Variants in WDR27 observed in about 807,000 individuals in gnomAD.
WDR27 encodes WD repeat domain 27.
Under a neutral mutation model 114.4 loss-of-function variants are expected in WDR27, and 100 were observed. The observed-to-expected ratio is 0.87, with a 90% confidence interval of 0.74 to 1.03. WDR27 has a LOEUF of 1.03. Ranked by LOEUF, WDR27 falls within the 50% of genes least tolerant of loss-of-function variation. The probability of loss-of-function intolerance (pLI) is 0.00; values close to 1 mark genes in which losing one functional copy is unlikely to be tolerated. For missense variants in WDR27, 1,129 were observed against 1,092.9 expected, an observed-to-expected ratio of 1.03 and a Z score of -0.47; for synonymous variants, 449 against 423.1, an observed-to-expected ratio of 1.06 and a Z score of -0.75.
At chr6:169,587,597 GA>G (rs1029918572) in intron 23 of WDR27, among the ~76,000 whole-genome samples, 1 of 152,120 alleles carries the variant, frequency 6.6e-6, no homozygotes, top group African/African-American at 2.4e-5. Context: ...CTGTTATCTT[GA>G]ACTTTTTAAG....
chr6:169,640,422 C>A (rs996891204), intron 17 of WDR27, among the ~76,000 whole-genome samples: 1 of 152,146 alleles, frequency 6.6e-6, no homozygotes, highest in African/African-American at 2.4e-5. Flanking sequence ...CGCAGAAAAA[C>A]GTGAAATAGC....
chr6:169,514,269 A>G (rs1433114019), intron 25 of WDR27, among the ~76,000 whole-genome samples: 1 of 151,488 alleles, frequency 6.6e-6, no homozygotes, highest in Non-Finnish European at 1.5e-5. Context: ...ACCAGTATAC[A>G]TAAATTATTA....
chr6:169,696,336 A>C (rs145813618), intron 1 of WDR27, among the ~76,000 whole-genome samples: 1 of 152,278 alleles, frequency 6.6e-6, no homozygotes, highest in African/African-American at 2.4e-5. Flanking sequence ...GCTTACGAGG[A>C]AGAAGTTAAG....
At position 169,664,263 on chromosome 6, in the gene WDR27, A is replaced by C. The variant is rs750335111; in HGVS notation, c.807T>G (p.Asp269Glu). 58 of 1,613,846 alleles carry C rather than the reference A, an allele frequency of 3.6e-5. No homozygotes were observed. Among genetic ancestry groups the C allele is most frequent in the Non-Finnish European group, 4.9e-5 (58 of 1,179,848 alleles). The change falls in exon 8 of 26, where the codon GAT (aspartate) becomes GAG (glutamate). Residue 269 changes from aspartate to glutamate, a missense_variant. Asp to Glu is a conservative substitution (Grantham distance 45). Coordinates refer to ENST00000448612, the MANE Select transcript of WDR27 (RefSeq NM_182552.5). ...GTGCCACACGACGATAATGGTGTCC[A>C]TCCATCAAACTGAAGATCCAAAGCT... ...DGQLWIFSLM[D>E]GHHYRRVARV...
chr6:169,486,344 C>T (rs1788888115), intron 25 of WDR27, among the ~76,000 whole-genome samples: 1 of 152,088 alleles, frequency 6.6e-6, no homozygotes, highest in Admixed American at 6.5e-5. Flanking sequence ...TAAGTATATA[C>T]CCAGTGTACT....
At chr6:169,679,035 CCTTT>C (rs1197222186) in intron 2 of WDR27, among the ~76,000 whole-genome samples, 2 of 152,150 alleles carry the variant, frequency 1.3e-5, no homozygotes, top group Non-Finnish European at 2.9e-5. Flanking sequence ...CCTGAACATT[CCTTT>C]CTATCGATCT....
Position 169,659,468 on chromosome 6 carries a change from G to A in WDR27, c.1180C>T (p.Arg394Cys), listed in dbSNP as rs767323121. ...GGACTGACCTTTTGATCCGCAGTGC[G>A]GTTCCTCAGGGCACACGATCCGGCC... ...LLAGSCALRN[R>C]TADQKVLCLL... The change falls in exon 11 of 26, where the codon CGC becomes TGC. Residue 394 changes from arginine to cysteine, a missense_variant. Transcript: ENST00000448612. This position sits in a 1 kb window ranked among gnomAD's most constrained non-coding sequence, Gnocchi z 4.3. 6.8e-6 allele frequency: 11 copies of A among 1,609,436 alleles called. No individual in the cohort carries two copies. Among genetic ancestry groups the A allele is most frequent in the Admixed American group, 1.7e-5 (1 of 59,280 alleles).
At chr6:169,476,996 C>G (rs1007418737) in intron 25 of WDR27, among the ~76,000 whole-genome samples, 6 of 152,174 alleles carry the variant, frequency 3.9e-5, no homozygotes, top group Non-Finnish European at 7.3e-5. Flanking sequence ...TTTAACTAAA[C>G]AGATTCAGAT....
Position 169,457,446 on chromosome 6 carries a change from G to A in WDR27, c.*146C>T. 3.2e-6 allele frequency: 2 copies of A among 623,784 alleles called. No individual in the cohort carries two copies. The highest frequency in any genetic ancestry group is 4.8e-5 in the South Asian group (2 of 41,610). 38.6% of individuals were successfully genotyped at this position (623,784 alleles called of 1,614,324 possible). ...TGGCACACACAGAGGGGAGGAGCTT[G>A]CAAACGGGGGAAATCTGAGGCAAGT... On this transcript the variant is annotated 3_prime_UTR_variant, in exon 26 of 26. Transcript: ENST00000448612.
chr6:169,605,037 C>A (rs1385474123), intron 22 of WDR27, among the ~76,000 whole-genome samples: 1 of 134,890 alleles, frequency 7.4e-6, no homozygotes, highest in African/African-American at 2.8e-5. Flanking sequence ...AGAACTGGAA[C>A]AAGACAAGGA....
chr6:169,473,987 CTG>C (rs931796851), intron 25 of WDR27, among the ~76,000 whole-genome samples: 1 of 152,234 alleles, frequency 6.6e-6, no homozygotes, highest in Non-Finnish European at 1.5e-5. Context: ...CCATGGTTAA[CTG>C]TGTGTGGCGA....
chr6:169,602,797 G>A (rs901188944), intron 22 of WDR27, among the ~76,000 whole-genome samples: 10 of 151,200 alleles, frequency 6.6e-5, no homozygotes, highest in Admixed American at 5.3e-4. Flanking sequence ...TGTTAATCAT[G>A]TCCTATGTAG....
intron 23 of WDR27, among the ~76,000 whole-genome samples, chr6:169,597,025 G>A (rs1018530980): frequency 2.0e-5 from 3 of 152,092 alleles, no homozygotes; most frequent in Admixed American, 6.5e-5. Context: ...TGGCATCTTT[G>A]TCATATTAAA....
intron 2 of WDR27, among the ~76,000 whole-genome samples, chr6:169,687,921 A>G (rs1783431078): frequency 6.6e-6 from 1 of 152,198 alleles, no homozygotes; most frequent in African/African-American, 2.4e-5. Flanking sequence ...ATCCTTTACA[A>G]CTCAGCAATT....
At chr6:169,564,346 C>T (rs1800117087) in intron 25 of WDR27, among the ~76,000 whole-genome samples, 1 of 152,188 alleles carries the variant, frequency 6.6e-6, no homozygotes, top group Non-Finnish European at 1.5e-5. Flanking sequence ...GTGGGCCTGC[C>T]TTTCCCAGCT....
chr6:169,467,312 C>A (rs547026701), intron 25 of WDR27, among the ~76,000 whole-genome samples: 2 of 152,296 alleles, frequency 1.3e-5, no homozygotes, highest in East Asian at 3.9e-4. Context: ...TCTCACAGCT[C>A]CACTAGGCAG....
At chr6:169,597,960 C>T (rs892644900) in intron 23 of WDR27, among the ~76,000 whole-genome samples, 2 of 144,884 alleles carry the variant, frequency 1.4e-5, no homozygotes, top group Non-Finnish European at 3.0e-5. Flanking sequence ...ACATAGGTCT[C>T]TTTTTTTTTT....
At chr6:169,554,713 T>C (rs545420871) in intron 25 of WDR27, among the ~76,000 whole-genome samples, 6 of 152,240 alleles carry the variant, frequency 3.9e-5, no homozygotes, top group Admixed American at 1.3e-4. Context: ...ACCACCACCA[T>C]GTGCAACCGT....
chr6:169,482,110 C>G (rs1788241123), intron 25 of WDR27, among the ~76,000 whole-genome samples: 1 of 152,228 alleles, frequency 6.6e-6, no homozygotes, highest in African/African-American at 2.4e-5. Context: ...GACCCATGTC[C>G]CTGCAAAGGA....
Sources: allele counts gnomAD v4.1 joint callset (sites outside exome capture counted in the v4.1 genomes callset), GRCh38; gene constraint gnomAD v4.1.1; non-coding constraint Gnocchi (gnomAD v3.1); transcripts MANE v1.5; gene names NCBI Gene and HGNC (gene_info 2026-07-23, HGNC 2026-07-21).